Variants in SDCBP observed in about 807,000 individuals in gnomAD.
The protein encoded by SDCBP is syndecan binding protein, also known as syntenin-1.
A neutral mutation model predicts 30.5 loss-of-function variants in SDCBP; 22 were observed. The observed-to-expected ratio is 0.72, with a 90% CI of 0.52 to 1.03. SDCBP has a LOEUF of 1.03. SDCBP is among the 50% of genes least tolerant of loss of function. The pLI is 0.00. For synonymous variants in SDCBP, 103 were observed against 118.7 expected (o/e 0.87, Z 0.86); for missense variants, 304 against 369.9 (o/e 0.82, Z 1.46).
chr8:58,564,293 G>A (rs112864890), intron 1 of SDCBP, among the ~76,000 whole-genome samples: 5,572 of 152,194 alleles, frequency 0.037, 322 homozygotes, highest in African/African-American at 0.13. Context: ...TTGAGTGAAA[G>A]TATCAGGTAT....
chr8:58,568,695 G>C (rs1156355349), intron 2 of SDCBP, among the ~76,000 whole-genome samples: 1 of 152,136 alleles, frequency 6.6e-6, no homozygotes. Context: ...TAGACAGTAG[G>C]AATTTTTTAG....
chr8:58,565,159 ATAGC>A, intron 2 of SDCBP, 75 bp downstream of exon 2: 1 of 647,648 alleles, frequency 1.5e-6, no homozygotes, highest in Non-Finnish European at 2.6e-6. Flanking sequence ...ATAAAGCAAG[ATAGC>A]TAAATAGCAG....
Position 58,580,562 on chromosome 8 carries a change from A to T in SDCBP, c.796A>T (p.Thr266Ser). 1 of 1,596,766 alleles carries T rather than the reference A, an allele frequency of 6.3e-7. No homozygotes were observed. Among genetic ancestry groups the T allele is most frequent in the South Asian group, 1.1e-5 (1 of 90,758 alleles). The stretch of plus-strand genomic sequence containing the variant: ...ACTGTCAACATCTGGGACTGTAGTT[A>T]CTATTACAATCATGCCTGCTTTTAT... ...DILSTSGTVVTITIMPAFIFE... is the reference protein window; with the variant it reads ...DILSTSGTVVSITIMPAFIFE... The change falls in exon 8 of 9, where the codon ACT becomes TCT. Residue 266 changes from threonine to serine, a missense_variant. Thr to Ser is a moderately conservative substitution (Grantham distance 58, BLOSUM62 1). Transcript: ENST00000260130.
chr8:58,568,776 C>T (rs1441340407), intron 2 of SDCBP, among the ~76,000 whole-genome samples: 3 of 152,202 alleles, frequency 2.0e-5, no homozygotes, highest in Non-Finnish European at 4.4e-5. Flanking sequence ...CAGCACATGA[C>T]TGTATACCAT....
chr8:58,566,394 C>G (rs1804709863), intron 2 of SDCBP, among the ~76,000 whole-genome samples: 1 of 152,082 alleles, frequency 6.6e-6, no homozygotes, highest in Non-Finnish European at 1.5e-5. Context: ...CAGATATGAG[C>G]TGAGGCTTTT....
intron 5 of SDCBP, 198 bp downstream of exon 5, chr8:58,576,259 ATTACT>A (rs1805310013): frequency 2.0e-6 from 1 of 496,214 alleles, no homozygotes; most frequent in African/African-American, 1.9e-5. Context: ...TTCTGACCAC[ATTACT>A]TTGAAAGATG....
chr8:58,569,858 A>G (rs941753191), intron 2 of SDCBP, among the ~76,000 whole-genome samples: 3 of 152,180 alleles, frequency 2.0e-5, no homozygotes, highest in African/African-American at 7.2e-5. Flanking sequence ...ATGAAATAAT[A>G]AATATTAAAG....
At position 58,578,189 on chromosome 8, in the gene SDCBP, A is replaced by T; in HGVS notation, c.559A>T (p.Thr187Ser). 1 of 1,571,120 alleles carries T rather than the reference A, an allele frequency of 6.4e-7. No individual in the cohort carries two copies. The highest frequency in any genetic ancestry group is 8.6e-7 in the Non-Finnish European group (1 of 1,162,422). Residue 187 changes from threonine to serine, a missense_variant, in exon 6 of 9, where the codon ACC becomes TCC. Physicochemically the swap from Thr to Ser is moderately conservative, Grantham distance 58. Transcript: ENST00000260130. ...CAAACAGGCTTTTGGAGAGAAGATT[A>T]CCATGACCATTCGTGACAGGTAAGC... The part of the protein sequence containing the change: ...VLKQAFGEKI[T>S]MTIRDRPFER...
intron 1 of SDCBP, among the ~76,000 whole-genome samples, chr8:58,564,708 A>G (rs1225049493): frequency 6.6e-6 from 1 of 152,208 alleles, no homozygotes; most frequent in Admixed American, 6.5e-5. Flanking sequence ...GTAAGTTAGG[A>G]GTAAGTCACA....
At chr8:58,580,432 G>A in intron 7 of SDCBP, 85 bp from the exon 8 acceptor site, 4 of 710,616 alleles carry the variant, frequency 5.6e-6, no homozygotes, top group South Asian at 1.6e-5. Context: ...CATATATTTT[G>A]TATTTCTTTA....
chr8:58,556,733 C>A (rs552220096), intron 1 of SDCBP, among the ~76,000 whole-genome samples: 4 of 150,958 alleles, frequency 2.6e-5, no homozygotes, highest in Non-Finnish European at 5.9e-5. Context: ...GTTCTGTACA[C>A]ATATTTAAAG....
chr8:58,572,054 G>A (rs1183940751), intron 3 of SDCBP, 151 bp from the exon 4 acceptor site: 7 of 564,164 alleles, frequency 1.2e-5, no homozygotes, highest in Non-Finnish European at 1.9e-5. Context: ...TTACAGAGAT[G>A]GGGAGATGCC....
intron 1 of SDCBP, among the ~76,000 whole-genome samples, chr8:58,556,437 C>T (rs1406809668): frequency 2.0e-5 from 3 of 152,194 alleles, no homozygotes; most frequent in Non-Finnish European, 2.9e-5. Context: ...GTCCATGGCC[C>T]GGGGGTTGGG....
At chr8:58,580,450 T>G in intron 7 of SDCBP, 67 bp from the exon 8 acceptor site, 1 of 792,512 alleles carries the variant, frequency 1.3e-6, no homozygotes, top group Non-Finnish European at 2.2e-6. Flanking sequence ...TTACCAAGAC[T>G]GGCATAGTTT....
chr8:58,554,529 T>C (rs764582953), intron 1 of SDCBP, among the ~76,000 whole-genome samples: 1 of 152,180 alleles, frequency 6.6e-6, no homozygotes, highest in Non-Finnish European at 1.5e-5. Flanking sequence ...CAGTAAATAG[T>C]CACTCCATTA....
At chr8:58,557,915 TC>T (rs1804236226) in intron 1 of SDCBP, among the ~76,000 whole-genome samples, 1 of 152,212 alleles carries the variant, frequency 6.6e-6, no homozygotes, top group Non-Finnish European at 1.5e-5. Context: ...AAAATGAGAT[TC>T]TTCCACTGAT....
intron 2 of SDCBP, among the ~76,000 whole-genome samples, chr8:58,568,730 C>T (rs538030663): frequency 2.0e-5 from 3 of 152,120 alleles, no homozygotes; most frequent in Non-Finnish European, 4.4e-5. Context: ...CATGGGACCA[C>T]TATTGTATAT....
intron 2 of SDCBP, among the ~76,000 whole-genome samples, chr8:58,569,557 A>T (rs1804905854): frequency 6.6e-6 from 1 of 152,228 alleles, no homozygotes; most frequent in Non-Finnish European, 1.5e-5. Flanking sequence ...AGTTGGAATC[A>T]TAAAGTATGT....
chr8:58,564,907 A>G, intron 1 of SDCBP, 112 bp from the exon 2 acceptor site: 1 of 560,156 alleles, frequency 1.8e-6, no homozygotes, highest in Non-Finnish European at 3.1e-6. Flanking sequence ...TGCAATTTAA[A>G]TGTTTTTTAT....
Sources: allele counts gnomAD v4.1 joint callset (sites outside exome capture counted in the v4.1 genomes callset), GRCh38; gene constraint gnomAD v4.1.1; transcripts MANE v1.5; gene names NCBI Gene and HGNC (gene_info 2026-07-23, HGNC 2026-07-21).